Variants in SEC23B observed in about 807,000 individuals in gnomAD.
SEC23B encodes SEC23 homolog B, COPII component.
In SEC23B, 77 loss-of-function variants were observed where a neutral mutation model predicts 104.3. The ratio of observed to expected loss-of-function variants is 0.74; its 90% CI spans 0.61 to 0.89. The LOEUF (loss-of-function observed/expected upper bound fraction) is 0.89, where lower values mean the gene tolerates loss of function less well. Among genes scored for constraint, SEC23B ranks in the 40% least tolerant of loss-of-function variants. The pLI is 0.00. For synonymous variants in SEC23B, 338 were observed against 332.5 expected (o/e 1.02, Z -0.18); for missense variants, 885 against 949.4 (o/e 0.93, Z 0.89).
chr20:18,520,466 G>A (rs2148893790), intron 4 of SEC23B, among the ~76,000 whole-genome samples: 1 of 152,272 alleles, frequency 6.6e-6, no homozygotes, highest in South Asian at 2.1e-4. Context: ...ACAAGAGGAG[G>A]ATGCGAAGGA....
At chr20:18,557,675 A>G (rs2060451909) in intron 19 of SEC23B, among the ~76,000 whole-genome samples, 1 of 151,858 alleles carries the variant, frequency 6.6e-6, no homozygotes, top group African/African-American at 2.4e-5. Flanking sequence ...ATATTTCTCT[A>G]CATGGTTGCT....
intron 9 of SEC23B, among the ~76,000 whole-genome samples, chr20:18,528,637 G>A (rs1057127628): frequency 3.3e-5 from 5 of 152,206 alleles, no homozygotes; most frequent in Non-Finnish European, 4.4e-5. Flanking sequence ...ATCAGTTGGA[G>A]TTGTCCTAGA....
intron 17 of SEC23B, among the ~76,000 whole-genome samples, chr20:18,553,102 T>G (rs976907456): frequency 3.3e-5 from 5 of 152,250 alleles, no homozygotes; most frequent in Non-Finnish European, 7.3e-5. Context: ...CAACCCCTGA[T>G]CCTGTTCATT....
At chr20:18,558,127 G>A (rs1037399573) in intron 19 of SEC23B, among the ~76,000 whole-genome samples, 2 of 152,094 alleles carry the variant, frequency 1.3e-5, no homozygotes, top group South Asian at 2.1e-4. Flanking sequence ...ATGTCTTGAC[G>A]TCCCTTTCAT....
At chr20:18,526,041 T>C in intron 7 of SEC23B, 109 bp downstream of exon 7, 2 of 1,287,364 alleles carry the variant, frequency 1.6e-6, no homozygotes, top group Non-Finnish European at 2.2e-6. Context: ...ACCGTCTGTG[T>C]TAATGTATCA....
chr20:18,544,047 G>A (rs137940268), intron 14 of SEC23B, among the ~76,000 whole-genome samples: 76 of 152,308 alleles, frequency 5.0e-4, no homozygotes, highest in African/African-American at 1.8e-3. Flanking sequence ...ACTCTCTACT[G>A]ACAACGCTTG....
chr20:18,529,080 G>A (rs1454195416), intron 9 of SEC23B, among the ~76,000 whole-genome samples: 2 of 152,244 alleles, frequency 1.3e-5, no homozygotes, highest in Non-Finnish European at 2.9e-5. Flanking sequence ...GGAGATGTTT[G>A]AAGAAGAGCA....
intron 17 of SEC23B, among the ~76,000 whole-genome samples, chr20:18,552,215 T>C (rs1438983652): frequency 1.4e-5 from 2 of 145,786 alleles, no homozygotes; most frequent in African/African-American, 5.0e-5. Flanking sequence ...TGAAAAGATA[T>C]AAATTGTGTT....
intron 9 of SEC23B, among the ~76,000 whole-genome samples, chr20:18,529,920 G>A (rs894132223): frequency 3.3e-5 from 5 of 152,222 alleles, no homozygotes; most frequent in Admixed American, 6.5e-5. Context: ...CATAACTTGC[G>A]TCAAGCTGTG....
intron 6 of SEC23B, 58 bp from the exon 7 acceptor site, chr20:18,525,730 G>T: frequency 6.3e-7 from 1 of 1,585,592 alleles, no homozygotes; most frequent in East Asian, 2.2e-5. Context: ...GGCACCTAGT[G>T]TTGAAGACCA....
chr20:18,516,033 T>C, intron 4 of SEC23B: 2 of 365,264 alleles, frequency 5.5e-6, no homozygotes, highest in Non-Finnish European at 1.0e-5. Flanking sequence ...CTTAGACTTA[T>C]CCTTGACCTC....
intron 13 of SEC23B, 117 bp from the exon 14 acceptor site, chr20:18,542,902 G>T (rs1323615247): frequency 7.6e-7 from 1 of 1,313,022 alleles, no homozygotes; most frequent in Non-Finnish European, 1.1e-6. Context: ...CCCTCCCAAA[G>T]TGTTGGGATT....
At chr20:18,529,185 C>A (rs928885306) in intron 9 of SEC23B, among the ~76,000 whole-genome samples, 1 of 152,198 alleles carries the variant, frequency 6.6e-6, no homozygotes, top group Admixed American at 6.5e-5. Flanking sequence ...GAACTGTATT[C>A]AGCAGTTGAG....
chr20:18,543,286 C>T (rs911571252), intron 14 of SEC23B, 114 bp downstream of exon 14: 1 of 1,278,440 alleles, frequency 7.8e-7, no homozygotes, highest in Admixed American at 1.8e-5. Flanking sequence ...TATCAGTTGC[C>T]TACCTTATGC....
intron 16 of SEC23B, 35 bp from the exon 17 acceptor site, chr20:18,551,054 A>G (rs760888543): frequency 2.2e-6 from 3 of 1,353,092 alleles, no homozygotes; most frequent in South Asian, 1.2e-5. Context: ...GGAGCAGGGA[A>G]GACCAATGCC....
chr20:18,525,666 A>G lies in SEC23B; in HGVS notation c.690-122A>G, dbSNP rs181198132. 4.9e-4 allele frequency: 522 copies of G among 1,067,674 alleles called. 1 individual carries two copies. In the Admixed American group the frequency reaches 6.0e-3, roughly 12 times the overall value. 66.1% of individuals were successfully genotyped at this position (1,067,674 alleles called of 1,614,324 possible). On this transcript the variant is annotated intron_variant, in intron 6 of 19. Coordinates refer to ENST00000650089, the MANE Select transcript of SEC23B (RefSeq NM_006363.6). ...GTAGAGAGATAGCTTTGAAGAAAAA[A>G]ATTACCAGTCAGTTACTACTCTGAA...
chr20:18,530,742 T>C lies in SEC23B; in HGVS notation c.1172T>C (p.Ile391Thr). 6.2e-7 allele frequency: 1 copy of C among 1,613,730 alleles called. No individual in the cohort carries two copies. Among genetic ancestry groups the C allele is most frequent in the African/African-American group, 1.3e-5 (1 of 75,056 alleles). ...TSLFKQTFQR[I>T]FTKDFNGDFR... ...CTCTTCAAGCAGACATTCCAAAGAA[T>C]CTTTACTAAAGATTTTAATGGAGAT... The change falls in exon 10 of 20, where the codon ATC becomes ACC. Residue 391 changes from isoleucine to threonine, a missense_variant. Ile to Thr is a moderately conservative substitution (Grantham distance 89). Transcript: ENST00000650089.
intron 4 of SEC23B, among the ~76,000 whole-genome samples, chr20:18,520,298 G>C (rs2060071209): frequency 1.3e-5 from 2 of 152,330 alleles, no homozygotes; most frequent in African/African-American, 2.4e-5. Context: ...ACAAGCGAGT[G>C]ATAACAGGCT....
chr20:18,548,671 G>A lies in SEC23B; in HGVS notation c.1806G>A (p.Ser602=), dbSNP rs370785590. 33 of 1,613,834 alleles carry A rather than the reference G, an allele frequency of 2.0e-5. 1 individual carries two copies. Among genetic ancestry groups the A allele is most frequent in the African/African-American group, 1.6e-4 (12 of 74,888 alleles). Residue 602 remains serine, a synonymous_variant, in exon 16 of 20, where the codon TCG becomes TCA. Transcript: ENST00000650089. ...TGTTTAACAACAGTCCTGATGAGTC[G>A]TCATATTACAGACATCATTTTGCCC... ...LQVFNNSPDE[S]SYYRHHFARQ...
Sources: gnomAD v4.1 joint callset for allele counts (sites outside exome capture counted in the v4.1 genomes callset) on GRCh38, gnomAD v4.1.1 for gene constraint, MANE v1.5 for transcripts, NCBI Gene and HGNC (gene_info 2026-07-23, HGNC 2026-07-21) for gene names.